The following DOCK8 variants were observed in gnomAD, a reference collection of about 807,000 sequenced individuals.
The protein encoded by DOCK8 is dedicator of cytokinesis protein 8.
A neutral mutation model predicts 245.6 loss-of-function variants in DOCK8; 141 were observed. That is an observed-to-expected ratio of 0.57 (90% CI 0.50 to 0.66). The LOEUF is 0.66. Ranked by LOEUF, DOCK8 falls within the 30% of genes least tolerant of loss-of-function variation. The pLI, the probability that DOCK8 is intolerant of heterozygous loss-of-function variation, is 0.00. For missense variants in DOCK8, 2,965 were observed against 2,603.4 expected (o/e 1.14, Z -3.02); for synonymous variants, 1,168 against 970.2 (o/e 1.20, Z -3.79).
intron 46 of DOCK8, chr9:452,820 G>C (rs1171107938): frequency 1.3e-5 from 2 of 152,200 alleles, no homozygotes; most frequent in African/African-American, 4.8e-5. Flanking sequence ...AGTGGAGCTG[G>C]CTTCAAGAGC....
At chr9:246,018 T>G (rs1208216696) in intron 1 of DOCK8, among the ~76,000 whole-genome samples, 5 of 152,230 alleles carry the variant, frequency 3.3e-5, no homozygotes. Flanking sequence ...TCAGGAGTTC[T>G]AGACCAACCT....
At chr9:311,644 C>A (rs921739393) in intron 5 of DOCK8, among the ~76,000 whole-genome samples, 1 of 152,124 alleles carries the variant, frequency 6.6e-6, no homozygotes, top group African/African-American at 2.4e-5. Flanking sequence ...CCCCCCAGCC[C>A]CAGGAAAGAA....
intron 14 of DOCK8, among the ~76,000 whole-genome samples, chr9:348,661 G>A (rs574276618): frequency 2.0e-5 from 3 of 152,322 alleles, no homozygotes; most frequent in African/African-American, 7.2e-5. Flanking sequence ...GTCTAGATTA[G>A]AGGGAGCACC....
At chr9:459,926 C>T (rs2057752037) in intron 46 of DOCK8, 1 of 152,302 alleles carries the variant, frequency 6.6e-6, no homozygotes, top group South Asian at 2.1e-4. Context: ...GCCAGTCACA[C>T]AGTACCACCT....
chr9:228,075 T>A (rs2047027805), intron 1 of DOCK8, among the ~76,000 whole-genome samples: 1 of 152,042 alleles, frequency 6.6e-6, no homozygotes, highest in African/African-American at 2.4e-5. Context: ...AGGGAGTCCA[T>A]GCAGAGGAAA....
intron 1 of DOCK8, among the ~76,000 whole-genome samples, chr9:217,587 C>T (rs1426948989): frequency 2.6e-5 from 4 of 152,154 alleles, no homozygotes; most frequent in Non-Finnish European, 5.9e-5. Flanking sequence ...CTTTTTGAAG[C>T]ACTCTGTGTG....
At chr9:446,697 C>A in intron 44 of DOCK8, 91 bp downstream of exon 44, 1 of 1,155,506 alleles carries the variant, frequency 8.7e-7, no homozygotes, top group African/African-American at 1.5e-5. Flanking sequence ...GTGGATTGGA[C>A]TGAAAACAAG....
intron 26 of DOCK8, among the ~76,000 whole-genome samples, chr9:399,781 G>C (rs2054656315): frequency 6.6e-6 from 1 of 151,886 alleles, no homozygotes; most frequent in African/African-American, 2.4e-5. Context: ...CATCCCCCCA[G>C]ATTTTTAAAT....
chr9:390,073 G>A (rs555389260), intron 23 of DOCK8, among the ~76,000 whole-genome samples: 3 of 152,144 alleles, frequency 2.0e-5, no homozygotes, highest in African/African-American at 7.2e-5. Context: ...TTTTATGGAT[G>A]AGAAAACTGA....
chr9:248,559 C>CTCTT (rs1296401217), intron 1 of DOCK8, among the ~76,000 whole-genome samples: 7 of 97,308 alleles, frequency 7.2e-5, no homozygotes, highest in Admixed American at 3.8e-4. Flanking sequence ...CTCTCTCTCT[C>CTCTT]TCTTTCTTTC....
chr9:442,417 C>T lies in DOCK8; in HGVS notation c.5490+408C>T, dbSNP rs534116280. On this transcript the variant is annotated intron_variant, in intron 42 of 47. Coordinates refer to ENST00000432829, the MANE Select transcript of DOCK8 (RefSeq NM_203447.4). ...ACTTTGAAGTAATCTAGCCAAATGA[C>T]TGAATCACCCCTAGATAATGGTGAG... is the stretch of plus-strand genomic sequence containing the variant. 1.8e-4 allele frequency among the ~76,000 whole-genome samples: 28 copies of T among 152,304 alleles called. No individual in the cohort carries two copies. The South Asian group carries it at 5.8e-3, about 32-fold the overall frequency.
At chr9:399,610 A>T (rs898088379) in intron 26 of DOCK8, among the ~76,000 whole-genome samples, 1 of 152,084 alleles carries the variant, frequency 6.6e-6, no homozygotes, top group East Asian at 1.9e-4. Context: ...TCCCAGTCTG[A>T]GGTCTCTTTT....
chr9:357,227 A>G (rs771037787), intron 14 of DOCK8, among the ~76,000 whole-genome samples: 16 of 152,374 alleles, frequency 1.1e-4, no homozygotes, highest in Non-Finnish European at 1.8e-4. Context: ...TGGGATGGAG[A>G]TTAATGTAAT....
At chr9:219,595 A>G (rs2046839087) in intron 1 of DOCK8, among the ~76,000 whole-genome samples, 1 of 152,202 alleles carries the variant, frequency 6.6e-6, no homozygotes, top group Non-Finnish European at 1.5e-5. Context: ...ACATAAAGAT[A>G]GCATTTAAGA....
At chr9:304,804 A>C in intron 5 of DOCK8, 100 bp downstream of exon 5, 1 of 1,538,060 alleles carries the variant, frequency 6.5e-7, no homozygotes, top group Non-Finnish European at 9.0e-7. Flanking sequence ...GACGCATAGA[A>C]AGTTTGAGTA....
At chr9:352,706 C>CGCG (rs199760977) in intron 14 of DOCK8, among the ~76,000 whole-genome samples, 2,533 of 148,324 alleles carry the variant, frequency 0.017, 76 homozygotes, top group African/African-American at 0.059. Flanking sequence ...CGCGCCACTG[C>CGCG]ACTCCAGTCC....
chr9:219,243 G>A (rs888938576), intron 1 of DOCK8, among the ~76,000 whole-genome samples: 1 of 152,206 alleles, frequency 6.6e-6, no homozygotes, highest in Non-Finnish European at 1.5e-5. Flanking sequence ...GCCAAGGCGG[G>A]ACGATCACCT....
In DOCK8 at chr9:286,535, G is replaced by A. The variant is rs2048830444; in HGVS notation, c.231G>A (p.Val77=). Residue 77 remains valine, a synonymous_variant, in exon 3 of 48, where the codon GTG becomes GTA. Transcript: ENST00000432829. ...LLMTHLNSLD[V]QLAQELGDFT... ...TGACACACCTGAACAGCCTGGATGT[G>A]CAGCTTGCCCAGGAGCTCGGGGACT... The A allele has an allele frequency of 6.2e-7, 1 of 1,613,920 alleles. No homozygotes were observed. The highest frequency in any genetic ancestry group is 1.3e-5 in the African/African-American group (1 of 74,908).
At chr9:244,065 G>A (rs969352290) in intron 1 of DOCK8, among the ~76,000 whole-genome samples, 4 of 151,794 alleles carry the variant, frequency 2.6e-5, no homozygotes, top group Non-Finnish European at 5.9e-5. Context: ...GCGACCGCTT[G>A]TAGTCCCAGC....
Sources: allele counts gnomAD v4.1 joint callset (sites outside exome capture counted in the v4.1 genomes callset), GRCh38; gene constraint gnomAD v4.1.1; transcripts MANE v1.5; gene names NCBI Gene and HGNC (gene_info 2026-07-23, HGNC 2026-07-21).